TRPM3: variants seen among roughly 807,000 people sequenced by gnomAD.
TRPM3 encodes long transient receptor potential channel 3.
In TRPM3, 77 loss-of-function variants were observed where a neutral mutation model predicts 181.2. The ratio of observed to expected loss-of-function variants is 0.42; its 90% CI spans 0.35 to 0.51. TRPM3 has a LOEUF of 0.51. TRPM3 is among the 20% of genes least tolerant of loss of function. The pLI is 0.01. For missense variants in TRPM3, 1,759 were observed against 2,196.7 expected (o/e 0.80, Z 3.98); for synonymous variants, 745 against 796.4 (o/e 0.94, Z 1.09).
intron 1 of TRPM3, among the ~76,000 whole-genome samples, chr9:71,299,524 G>T (rs1429560023): frequency 1.4e-5 from 2 of 147,728 alleles, no homozygotes; most frequent in Non-Finnish European, 3.0e-5. Flanking sequence ...AGGAAGGAAG[G>T]GAGAAAAAAG....
At chr9:71,319,375 C>A (rs976135126) in intron 1 of TRPM3, among the ~76,000 whole-genome samples, 3 of 152,086 alleles carry the variant, frequency 2.0e-5, no homozygotes, top group African/African-American at 7.2e-5. Flanking sequence ...ACCAGTGAAG[C>A]CAAGGGTGTA....
intron 1 of TRPM3, among the ~76,000 whole-genome samples, chr9:70,993,362 T>C (rs1291365471): frequency 2.0e-5 from 3 of 152,086 alleles, no homozygotes; most frequent in East Asian, 3.9e-4. Flanking sequence ...AGAATCGATA[T>C]GTATTCTAGA....
At chr9:71,200,085 T>C (rs925290174) in intron 1 of TRPM3, among the ~76,000 whole-genome samples, 40 of 152,118 alleles carry the variant, frequency 2.6e-4, no homozygotes, top group Admixed American at 1.2e-3. Context: ...TTTGTTCTCA[T>C]TGGTTTCAAA....
chr9:70,600,737 C>T (rs2059758961), intron 20 of TRPM3, among the ~76,000 whole-genome samples: 1 of 152,174 alleles, frequency 6.6e-6, no homozygotes, highest in Non-Finnish European at 1.5e-5. Context: ...TGGCTTCTCA[C>T]TCCCTGGCTG....
intron 1 of TRPM3, among the ~76,000 whole-genome samples, chr9:71,006,834 G>A (rs1357403831): frequency 6.4e-5 from 9 of 140,488 alleles, no homozygotes; most frequent in South Asian, 2.2e-4. Flanking sequence ...TCGCGCCACT[G>A]CACTCCAGCC....
intron 1 of TRPM3, among the ~76,000 whole-genome samples, chr9:71,183,111 GT>G (rs1565313647): frequency 6.6e-6 from 1 of 152,108 alleles, no homozygotes. Flanking sequence ...AGGGCTTTTT[GT>G]ATATAGAAGA....
At chr9:70,781,724 C>A (rs529570248) in intron 7 of TRPM3, among the ~76,000 whole-genome samples, 2 of 152,130 alleles carry the variant, frequency 1.3e-5, no homozygotes, top group East Asian at 3.9e-4. Flanking sequence ...TTTAAATAAT[C>A]TTAATTTAAA....
At chr9:70,613,167 T>C (rs1212211274) in intron 18 of TRPM3, among the ~76,000 whole-genome samples, 1 of 152,248 alleles carries the variant, frequency 6.6e-6, no homozygotes, top group Non-Finnish European at 1.5e-5. Context: ...TTTCATTAAT[T>C]CCAGCCTAAG....
In TRPM3 at chr9:70,665,708, A is replaced by G. The variant is rs540402730; in HGVS notation, c.1345+15798T>C. ...TTCAATTGGGCTATTCTGCTTACTTATGACAAAAAGGAATTCATTTACACA... is the reference window on the plus strand; with the variant it reads ...TTCAATTGGGCTATTCTGCTTACTTGTGACAAAAAGGAATTCATTTACACA... On this transcript the variant is annotated intron_variant, in intron 9 of 25. Transcript: ENST00000677713. Among the ~76,000 whole-genome samples the G allele has an allele frequency of 2.2e-4, 34 of 152,350 alleles. No homozygotes were observed. The South Asian group carries it at 3.3e-3, about 15-fold the overall frequency.
chr9:71,446,830 C>T (rs749924200), exon 1 of TRPM3: 5 of 1,540,854 alleles, frequency 3.2e-6, no homozygotes, highest in African/African-American at 1.4e-5. Context: ...TCCACTTCTT[C>T]CCCATGAGAA....
chr9:71,288,554 C>T (rs1326886007), intron 1 of TRPM3, among the ~76,000 whole-genome samples: 1 of 151,988 alleles, frequency 6.6e-6, no homozygotes, highest in Non-Finnish European at 1.5e-5. Flanking sequence ...AACACACATA[C>T]CAACTCAGTA....
chr9:70,851,767 C>T (rs562486744), intron 3 of TRPM3, among the ~76,000 whole-genome samples: 71 of 152,114 alleles, frequency 4.7e-4, no homozygotes, highest in Non-Finnish European at 8.8e-4. Flanking sequence ...GGTGAGGTCA[C>T]ACTACTCGTG....
intron 1 of TRPM3, among the ~76,000 whole-genome samples, chr9:71,039,651 C>G (rs73647936): frequency 6.6e-6 from 1 of 152,220 alleles, no homozygotes; most frequent in East Asian, 1.9e-4. Flanking sequence ...TAGACATAAA[C>G]AGGTCCCAAT....
Position 70,643,246 on chromosome 9 carries a change from C to T in TRPM3, c.1346-2586G>A, listed in dbSNP as rs139656199. Among the ~76,000 whole-genome samples, 60 of 152,256 alleles carry T rather than the reference C, an allele frequency of 3.9e-4. 1 individual carries two copies. Among genetic ancestry groups the T allele is most frequent in the African/African-American group, 1.3e-3 (55 of 41,548 alleles). On this transcript the variant is annotated intron_variant, in intron 9 of 25. Coordinates refer to ENST00000677713, the MANE Select transcript of TRPM3 (RefSeq NM_001366145.2). ...GAGGAAAAGAAGTGAAGGCTCATTGCGATTGCATTTGGAAAGGTAGCACTT... is the reference window on the plus strand; with the variant it reads ...GAGGAAAAGAAGTGAAGGCTCATTGTGATTGCATTTGGAAAGGTAGCACTT...
rs546388502 is a variant in TRPM3 at position 71,336,404 on chromosome 9, A to C, written c.183+110249T>G. ...GGAATCCAACTTACAAGGGATGTGA[A>C]GGACTTCTTCAAGGAGAACTACAAA... On this transcript the variant is annotated intron_variant, in intron 1 of 24. Coordinates refer to the TRPM3 transcript ENST00000357533. 2.1e-4 allele frequency among the ~76,000 whole-genome samples: 32 copies of C among 152,302 alleles called. No individual in the cohort carries two copies. The East Asian group carries it at 5.4e-3, about 26-fold the overall frequency.
intron 1 of TRPM3, among the ~76,000 whole-genome samples, chr9:71,238,490 T>C (rs2081489068): frequency 6.6e-6 from 1 of 152,172 alleles, no homozygotes; most frequent in African/African-American, 2.4e-5. Flanking sequence ...ATCTCTCAGG[T>C]TGCAGTTCTT....
chr9:71,100,804 T>C (rs1053644489), intron 1 of TRPM3, among the ~76,000 whole-genome samples: 1 of 152,134 alleles, frequency 6.6e-6, no homozygotes, highest in Non-Finnish European at 1.5e-5. Flanking sequence ...AGAAAACCCC[T>C]TTGCCTTACA....
chr9:70,864,401 A>G, intron 2 of TRPM3, 31 bp downstream of exon 2: 1 of 1,428,908 alleles, frequency 7.0e-7, no homozygotes, highest in Non-Finnish European at 9.3e-7. Flanking sequence ...TTACTACTTC[A>G]TGTTCTCAAC....
intron 7 of TRPM3, chr9:70,783,855 C>G: frequency 8.6e-7 from 1 of 1,166,376 alleles, no homozygotes; most frequent in Non-Finnish European, 1.1e-6. Flanking sequence ...CAGCCTATGA[C>G]CTCCTCTCTT....
Sources: gnomAD v4.1 joint callset for allele counts (sites outside exome capture counted in the v4.1 genomes callset) on GRCh38, gnomAD v4.1.1 for gene constraint, MANE v1.5 for transcripts, NCBI Gene and HGNC (gene_info 2026-07-23, HGNC 2026-07-21) for gene names.